ASPA: variants seen among roughly 807,000 people sequenced by gnomAD.
ASPA encodes the protein ACY-2.
A neutral mutation model predicts 29.6 loss-of-function variants in ASPA; 25 were observed. That is an observed-to-expected ratio of 0.85 (90% confidence interval 0.62 to 1.18). The LOEUF is 1.18. ASPA is among the 50% of genes most tolerant of loss of function. The probability of loss-of-function intolerance (pLI) is 0.00; values close to 1 mark genes in which losing one functional copy is unlikely to be tolerated. For synonymous variants in ASPA, 131 were observed against 130.3 expected (o/e 1.01, Z -0.04); for missense variants, 333 against 385.7 (o/e 0.86, Z 1.14).
chr17:3,494,632 G>T (rs2073880369), intron 5 of ASPA, among the ~76,000 whole-genome samples, 173 bp downstream of exon 5: 2 of 152,184 alleles, frequency 1.3e-5, no homozygotes, highest in Non-Finnish European at 2.9e-5. Flanking sequence ...CTTATTCAGT[G>T]TAACCTGTGC....
Position 3,483,639 on chromosome 17 carries a change from C to G in ASPA, c.526+47C>G, listed in dbSNP as rs73307208. The G allele has an allele frequency of 1.4e-3, 2,026 of 1,496,938 alleles. 30 individuals carry two copies. In the African/African-American group the frequency reaches 0.024, roughly 18 times the overall value. 92.7% of individuals were successfully genotyped at this position (1,496,938 alleles called of 1,614,324 possible). A position where few individuals can be genotyped will look rare whatever the true frequency, so the allele number is the denominator to read the frequency against. On this transcript the variant is annotated intron_variant, in intron 3 of 5. Coordinates refer to ENST00000263080, the MANE Select transcript of ASPA (RefSeq NM_000049.4). Reference sequence around the variant, plus strand: ...CATAACTCAATAAAATATGTCCTAGCTGAAACTCAGAGAAATTTATTTTTT... The same window carrying G: ...CATAACTCAATAAAATATGTCCTAGGTGAAACTCAGAGAAATTTATTTTTT...
In ASPA at chr17:3,499,618, T is replaced by C. The variant is rs1479788752; in HGVS notation, c.*530T>C. On this transcript the variant is annotated 3_prime_UTR_variant, in exon 6 of 6. Transcript: ENST00000263080. ...TTATTATATCTGCTATGGTGATCTG[T>C]GATCAGTGGCCTTTGATGTTACTGT... 6.6e-6 allele frequency: 1 copy of C among 152,472 alleles called. No individual in the cohort carries two copies. Among genetic ancestry groups the C allele is most frequent in the African/African-American group, 2.4e-5 (1 of 41,448 alleles). The allele number at this position is 152,472 out of a possible 1,614,324, so 9.4% of individuals were successfully genotyped here.
chr17:3,481,726 T>C lies in ASPA; in HGVS notation c.360T>C (p.Ser120=), dbSNP rs745636571. Residue 120 remains serine, a synonymous_variant, in exon 2 of 6, where the codon TCT becomes TCC. Coordinates refer to ENST00000263080, the MANE Select transcript of ASPA (RefSeq NM_000049.4). ...TTTTTGACCTTCACAACACCACCTC[T>C]AACATGGGGTGCACTCTTATTCTTG... is the stretch of plus-strand genomic sequence containing the variant. ...DIIFDLHNTT[S]NMGCTLILED... 1.2e-6 allele frequency: 2 copies of C among 1,613,764 alleles called. No homozygotes were observed. Among genetic ancestry groups the C allele is most frequent in the South Asian group, 2.2e-5 (2 of 91,042 alleles).
chr17:3,502,824 A>C lies in ASPA; in HGVS notation c.*3736A>C, dbSNP rs763435101. The C allele has an allele frequency of 3.3e-5, 5 of 152,238 alleles. No homozygotes were observed. The highest frequency in any genetic ancestry group is 9.6e-5 in the African/African-American group (4 of 41,460). The allele number at this position is 152,238 out of a possible 1,614,324, so 9.4% of individuals were successfully genotyped here. On this transcript the variant is annotated 3_prime_UTR_variant, in exon 6 of 6. Coordinates refer to ENST00000263080, the MANE Select transcript of ASPA (RefSeq NM_000049.4). Reference sequence around the variant, plus strand: ...AGCTGTCACTTCTCATTTTGAAAGAATATGCCCACCCTTATTCGCAGGCAA... The same window carrying C: ...AGCTGTCACTTCTCATTTTGAAAGACTATGCCCACCCTTATTCGCAGGCAA...
chr17:3,475,104 G>A (rs534101805), upstream of ASPA, among the ~76,000 whole-genome samples: 11 of 152,150 alleles, frequency 7.2e-5, no homozygotes, highest in Non-Finnish European at 1.2e-4. Context: ...ACAACCTGGC[G>A]TTACTAGTAC....
intron 3 of ASPA, among the ~76,000 whole-genome samples, chr17:3,486,082 AC>A (rs1425120404): frequency 6.6e-6 from 1 of 151,952 alleles, no homozygotes; most frequent in African/African-American, 2.4e-5. Flanking sequence ...ACAGGTGCCC[AC>A]CACCATACCC....
chr17:3,494,535 G>A, intron 5 of ASPA, 76 bp downstream of exon 5: 1 of 1,244,672 alleles, frequency 8.0e-7, no homozygotes, highest in Non-Finnish European at 1.2e-6. Flanking sequence ...AGCTCATACA[G>A]CACTTCGCGT....
chr17:3,490,217 T>A lies in ASPA; in HGVS notation c.634+875T>A, dbSNP rs1406295075. Among the ~76,000 whole-genome samples, 2 of 152,172 alleles carry A rather than the reference T, an allele frequency of 1.3e-5. No individual in the cohort carries two copies. Among genetic ancestry groups the A allele is most frequent in the Non-Finnish European group, 2.9e-5 (2 of 68,006 alleles). Reference sequence around the variant, plus strand: ...CTAATTTTGTCTTAATTATATTCAATAAGAATAATGTATTTATGTATTATT... The same window carrying A: ...CTAATTTTGTCTTAATTATATTCAAAAAGAATAATGTATTTATGTATTATT... On this transcript the variant is annotated intron_variant, in intron 4 of 5. Coordinates refer to ENST00000263080, the MANE Select transcript of ASPA (RefSeq NM_000049.4). The surrounding 1 kb of genome is among the most constrained non-coding windows in gnomAD (Gnocchi z 4.6).
chr17:3,480,804 A>G (rs1031983168), intron 1 of ASPA, among the ~76,000 whole-genome samples: 1 of 152,232 alleles, frequency 6.6e-6, no homozygotes, highest in Non-Finnish European at 1.5e-5. Context: ...TTCAGTTTAC[A>G]CCCAGGCATG....
In ASPA at chr17:3,484,389, CAG is replaced by C. The variant is rs2073684304; in HGVS notation, c.526+800_526+801del. Among the ~76,000 whole-genome samples the C allele has an allele frequency of 5.9e-5, 9 of 152,218 alleles. No individual in the cohort carries two copies. In the South Asian group the frequency reaches 1.9e-3, roughly 32 times the overall value. On this transcript the variant is annotated intron_variant, in intron 3 of 5. Transcript: ENST00000263080. Reference sequence around the variant, plus strand: ...GACAGGTAACCAGGTAATCACTGCACAGAGTGATAAATGCTAAATAGGGGCAA... The same window carrying C: ...GACAGGTAACCAGGTAATCACTGCACAGTGATAAATGCTAAATAGGGGCAA...
intron 4 of ASPA, among the ~76,000 whole-genome samples, chr17:3,492,610 A>G (rs1204234918): frequency 6.6e-6 from 1 of 152,212 alleles, no homozygotes; most frequent in Non-Finnish European, 1.5e-5. Flanking sequence ...AAGCACTTGC[A>G]CATTGGAGCT....
chr17:3,484,354 T>C (rs970794664), intron 3 of ASPA, among the ~76,000 whole-genome samples: 1 of 152,148 alleles, frequency 6.6e-6, no homozygotes, highest in African/African-American at 2.4e-5. Flanking sequence ...TCGTATGTGA[T>C]GAGAAAACAG....
chr17:3,475,953 G>T, upstream of ASPA: 1 of 585,674 alleles, frequency 1.7e-6, no homozygotes, highest in Non-Finnish European at 3.0e-6. Flanking sequence ...TCCAAATATG[G>T]CAAAGGGCAG....
chr17:3,484,628 C>A (rs2150749466), intron 3 of ASPA, among the ~76,000 whole-genome samples: 1 of 152,286 alleles, frequency 6.6e-6, no homozygotes, highest in Admixed American at 6.5e-5. Flanking sequence ...TGCTATAGAG[C>A]AATACTTTTG....
rs878950904 is a variant in ASPA at position 3,476,614 on chromosome 17, A to C, written c.236+219A>C. The stretch of plus-strand genomic sequence containing the variant: ...TGCTCTTTTATAAACCTTCTTAAGC[A>C]CCAGATTATTAAGTTTTCTTTTCAA... On this transcript the variant is annotated intron_variant, in intron 1 of 5. Coordinates refer to ENST00000263080, the MANE Select transcript of ASPA (RefSeq NM_000049.4). Among the ~76,000 whole-genome samples the C allele has an allele frequency of 2.0e-5, 3 of 152,112 alleles. No individual in the cohort carries two copies. In the South Asian group the frequency reaches 6.2e-4, roughly 31 times the overall value.
At chr17:3,483,401 T>C in intron 2 of ASPA, 98 bp from the exon 3 acceptor site, 1 of 1,006,502 alleles carries the variant, frequency 9.9e-7, no homozygotes, top group African/African-American at 1.6e-5. Flanking sequence ...TCTTAGTTGA[T>C]GAAGTAAAAC....
At position 3,485,027 on chromosome 17, in the gene ASPA, GT is replaced by G. The variant is rs370054108; in HGVS notation, c.526+1443del. On this transcript the variant is annotated intron_variant, in intron 3 of 5. Transcript: ENST00000263080. The surrounding 1 kb of genome is among the most constrained non-coding windows in gnomAD (Gnocchi z 4.4). ...ATCATTCACAGTAGGGTTTTGTTTT[GT>G]TTTTTTTCTGGAAAAGGGTCTCACT... Among the ~76,000 whole-genome samples the G allele has an allele frequency of 6.2e-4, 94 of 151,426 alleles. No individual in the cohort carries two copies. The highest frequency in any genetic ancestry group is 2.1e-3 in the African/African-American group (87 of 41,254).
chr17:3,480,005 A>C (rs1320414529), intron 1 of ASPA, among the ~76,000 whole-genome samples: 1 of 151,458 alleles, frequency 6.6e-6, no homozygotes, highest in African/African-American at 2.4e-5. Flanking sequence ...AAAAAAATAC[A>C]TATATCTGTA....
At chr17:3,491,091 C>T (rs1025212546) in intron 4 of ASPA, among the ~76,000 whole-genome samples, 6 of 152,142 alleles carry the variant, frequency 3.9e-5, no homozygotes, top group East Asian at 1.9e-4. Flanking sequence ...CTGTCCTACT[C>T]AGAACTGTAG....
Sources: allele counts gnomAD v4.1 joint callset (sites outside exome capture counted in the v4.1 genomes callset), GRCh38; gene constraint gnomAD v4.1.1; non-coding constraint Gnocchi (gnomAD v3.1); transcripts MANE v1.5; gene names NCBI Gene and HGNC (gene_info 2026-07-23, HGNC 2026-07-21).